Variants in ROBO1 observed in about 807,000 individuals in gnomAD.
ROBO1 encodes roundabout homolog 1.
In ROBO1, 149 loss-of-function variants were observed where a neutral mutation model predicts 195.9. That is an observed-to-expected ratio of 0.76 (90% CI 0.67 to 0.87). The LOEUF (loss-of-function observed/expected upper bound fraction) is 0.87, where lower values mean the gene tolerates loss of function less well. Ranked by LOEUF, ROBO1 falls within the 40% of genes least tolerant of loss-of-function variation. The probability of loss-of-function intolerance (pLI) is 0.00; values close to 1 mark genes in which losing one functional copy is unlikely to be tolerated. For synonymous variants in ROBO1, 816 were observed against 733.2 expected (o/e 1.11, Z -1.82); for missense variants, 1,933 against 2,068.3 (o/e 0.93, Z 1.27).
At chr3:79,383,469 C>A (rs1331201078) in intron 2 of ROBO1, among the ~76,000 whole-genome samples, 4 of 151,756 alleles carry the variant, frequency 2.6e-5, no homozygotes, top group Non-Finnish European at 4.4e-5. Context: ...AAAAAATGGA[C>A]CTGGAGGTGC....
At chr3:78,898,038 T>TA (rs1221918504) in intron 4 of ROBO1, among the ~76,000 whole-genome samples, 1 of 151,360 alleles carries the variant, frequency 6.6e-6, no homozygotes, top group Non-Finnish European at 1.5e-5. Flanking sequence ...TTATGAACTG[T>TA]ATTACAAAAT....
Position 78,618,899 on chromosome 3 carries a change from T to C in ROBO1, c.3876-858A>G, listed in dbSNP as rs151331097. ...CAACAGCTAGAAGCCATCCTTCCAC[T>C]AACACCACTAGGGCTATGATCCACA... is the stretch of plus-strand genomic sequence containing the variant. On this transcript the variant is annotated intron_variant, in intron 26 of 30. Coordinates refer to ENST00000464233, the MANE Select transcript of ROBO1 (RefSeq NM_002941.4). 1.2e-4 allele frequency among the ~76,000 whole-genome samples: 19 copies of C among 152,270 alleles called. No individual in the cohort carries two copies. The East Asian group carries it at 3.7e-3, about 29-fold the overall frequency.
intron 4 of ROBO1, among the ~76,000 whole-genome samples, chr3:78,809,696 T>C (rs1055763266): frequency 5.9e-5 from 9 of 152,186 alleles, no homozygotes; most frequent in African/African-American, 1.9e-4. Flanking sequence ...TGCAAGGACA[T>C]GGATGAAGCT....
At chr3:79,631,380 T>A (rs1449247028) in intron 1 of ROBO1, among the ~76,000 whole-genome samples, 2 of 151,904 alleles carry the variant, frequency 1.3e-5, no homozygotes, top group Non-Finnish European at 2.9e-5. Flanking sequence ...AAATAAACAA[T>A]GGGAGAAGGA....
intron 1 of ROBO1, among the ~76,000 whole-genome samples, chr3:79,718,868 T>A (rs907545697): frequency 6.6e-5 from 10 of 152,062 alleles, no homozygotes; most frequent in African/African-American, 1.7e-4. Context: ...TAAACATTTC[T>A]ATAAAATTAA....
At chr3:79,230,929 A>G (rs753588248) in intron 2 of ROBO1, among the ~76,000 whole-genome samples, 39 of 152,168 alleles carry the variant, frequency 2.6e-4, no homozygotes, top group Non-Finnish European at 5.9e-5. Flanking sequence ...ACCAACAACT[A>G]CCAGATCTTT....
intron 2 of ROBO1, among the ~76,000 whole-genome samples, chr3:79,178,966 T>C (rs1385245506): frequency 1.3e-5 from 2 of 152,178 alleles, no homozygotes; most frequent in Non-Finnish European, 2.9e-5. Flanking sequence ...AGGACCTGAA[T>C]TGGCTGCCAA....
intron 3 of ROBO1, among the ~76,000 whole-genome samples, chr3:78,986,148 C>T (rs2077100905): frequency 6.6e-6 from 1 of 152,062 alleles, no homozygotes; most frequent in Admixed American, 6.6e-5. Context: ...AATGAGAACC[C>T]AGATGATACA....
At chr3:79,656,207 G>A (rs947344057) in intron 1 of ROBO1, among the ~76,000 whole-genome samples, 2 of 151,352 alleles carry the variant, frequency 1.3e-5, no homozygotes, top group South Asian at 2.1e-4. Flanking sequence ...TTAGGTCAAC[G>A]GTTTCTGTTT....
At chr3:79,239,148 G>A (rs1435479472) in intron 2 of ROBO1, among the ~76,000 whole-genome samples, 1 of 152,132 alleles carries the variant, frequency 6.6e-6, no homozygotes, top group East Asian at 1.9e-4. Context: ...AGAATAGGAA[G>A]TATTGGTGGC....
intron 1 of ROBO1, among the ~76,000 whole-genome samples, chr3:79,623,021 C>G (rs1398981953): frequency 6.6e-6 from 1 of 152,070 alleles, no homozygotes; most frequent in Non-Finnish European, 1.5e-5. Context: ...GGTGCAAGAG[C>G]GAATCAGATG....
At chr3:78,927,712 T>C (rs1185218994) in intron 4 of ROBO1, among the ~76,000 whole-genome samples, 3 of 152,220 alleles carry the variant, frequency 2.0e-5, no homozygotes, top group Non-Finnish European at 4.4e-5. Context: ...TTCAAAGATA[T>C]ATTTGTCATA....
chr3:78,636,527 A>T (rs377376007), intron 22 of ROBO1, among the ~76,000 whole-genome samples: 3 of 152,122 alleles, frequency 2.0e-5, no homozygotes, highest in African/African-American at 7.2e-5. Context: ...CAGACAAAGC[A>T]CATAAATGAA....
chr3:78,752,147 C>A (rs2082811986), intron 4 of ROBO1, among the ~76,000 whole-genome samples: 1 of 150,162 alleles, frequency 6.7e-6, no homozygotes, highest in Non-Finnish European at 1.5e-5. Context: ...TAATTGTTTT[C>A]AAAATTATTA....
intron 2 of ROBO1, among the ~76,000 whole-genome samples, chr3:79,411,522 C>G (rs1054374822): frequency 1.3e-5 from 2 of 152,086 alleles, no homozygotes; most frequent in Admixed American, 1.3e-4. Flanking sequence ...ACCCTCAGGA[C>G]AAAGTGCTAA....
intron 3 of ROBO1, among the ~76,000 whole-genome samples, chr3:79,076,233 TATATAA>T (rs1331082267): frequency 3.4e-5 from 5 of 147,742 alleles, no homozygotes; most frequent in South Asian, 2.1e-4. Context: ...ATGTTACTTA[TATATAA>T]ATATAAGTAT....
At position 79,123,723 on chromosome 3, in the gene ROBO1, TTAAG is replaced by T. The variant is rs1198097650; in HGVS notation, c.172+1729_172+1732del. Among the ~76,000 whole-genome samples, 3 of 152,018 alleles carry T rather than the reference TTAAG, an allele frequency of 2.0e-5. No individual in the cohort carries two copies. The East Asian group carries it at 5.8e-4, about 29-fold the overall frequency. On this transcript the variant is annotated intron_variant, in intron 3 of 30. Transcript: ENST00000464233. ...TCACTTTGCATTAAATTGTAATACTTTAAGTTAGTTCCATTATAGACTATAAAGA... is the reference window on the plus strand; with the variant it reads ...TCACTTTGCATTAAATTGTAATACTTTTAGTTCCATTATAGACTATAAAGA...
chr3:79,260,954 C>G (rs1049620523), intron 2 of ROBO1, among the ~76,000 whole-genome samples: 4 of 152,032 alleles, frequency 2.6e-5, no homozygotes, highest in African/African-American at 9.7e-5. Context: ...TTTTCTCTTA[C>G]AGAAAACAAA....
intron 2 of ROBO1, among the ~76,000 whole-genome samples, chr3:79,498,042 T>C (rs1029925426): frequency 7.2e-5 from 11 of 152,126 alleles, no homozygotes; most frequent in African/African-American, 2.7e-4. Context: ...GAAACTATCA[T>C]CGAATCTCAT....
Sources: gnomAD v4.1 joint callset for allele counts (sites outside exome capture counted in the v4.1 genomes callset) on GRCh38, gnomAD v4.1.1 for gene constraint, MANE v1.5 for transcripts, NCBI Gene and HGNC (gene_info 2026-07-23, HGNC 2026-07-21) for gene names.